FAT1: variants seen among roughly 807,000 people sequenced by gnomAD.
FAT1 encodes protocadherin Fat 1.
FAT1 carries 171 observed loss-of-function variants against 329.8 expected under a neutral mutation model. The observed-to-expected ratio is 0.52, with a 90% CI of 0.46 to 0.59. FAT1 has a LOEUF of 0.59. FAT1 is among the 20% of genes least tolerant of loss of function. The probability of loss-of-function intolerance (pLI) is 0.00; values close to 1 mark genes in which losing one functional copy is unlikely to be tolerated. For missense variants in FAT1, 5,672 were observed against 5,774.4 expected (o/e 0.98, Z 0.57); for synonymous variants, 2,233 against 2,228.6 (o/e 1.00, Z -0.06).
In FAT1 at chr4:186,706,810, C is replaced by T. The variant is rs1203711175; in HGVS notation, c.3018G>A (p.Lys1006=). 1.2e-6 allele frequency: 2 copies of T among 1,614,016 alleles called. No individual in the cohort carries two copies. Among genetic ancestry groups the T allele is most frequent in the Non-Finnish European group, 8.5e-7 (1 of 1,179,898 alleles). ...TAGAAGACAGAGAAACTGGCTTTCCCTTGTCTTTGGCCCTCACAGTGAGAT... is the reference window on the plus strand; with the variant it reads ...TAGAAGACAGAGAAACTGGCTTTCCTTTGTCTTTGGCCCTCACAGTGAGAT... The part of the protein sequence containing the change: ...VYNLTVRAKD[K]GKPVSLSSTC... Residue 1006 remains lysine, a synonymous_variant, in exon 2 of 27, where the codon AAG becomes AAA. Transcript: ENST00000441802.
At chr4:186,689,251 C>T (rs541553205) in intron 2 of FAT1, among the ~76,000 whole-genome samples, 1 of 152,104 alleles carries the variant, frequency 6.6e-6, no homozygotes, top group Admixed American at 6.6e-5. Context: ...GTATCTTGTA[C>T]GTCAAATCAA....
rs774763186 is a variant in FAT1 at position 186,708,626 on chromosome 4, A to C, written c.1202T>G (p.Val401Gly). 6.2e-7 allele frequency: 1 copy of C among 1,613,966 alleles called. No homozygotes were observed. The highest frequency in any genetic ancestry group is 8.5e-7 in the Non-Finnish European group (1 of 1,179,876). ...AGCTTTTCCAGGTGTACTTTTAAAA[A>C]CATACCTCAAATGGGAATAAGCAGG... Reference protein sequence around the residue: ...AIPAYSHLRYVFKSTPGKAKF... With the variant: ...AIPAYSHLRYGFKSTPGKAKF... The change falls in exon 2 of 27, where the codon GTT (valine) becomes GGT (glycine). Residue 401 changes from valine (V) to glycine (G), a missense_variant. Coordinates refer to ENST00000441802, the MANE Select transcript of FAT1 (RefSeq NM_005245.4).
At chr4:186,590,325 G>GT in intron 26 of FAT1, 1 of 1,255,198 alleles carries the variant, frequency 8.0e-7, no homozygotes, top group South Asian at 1.2e-5. Context: ...TTGACCCATT[G>GT]TTTTTAGTGA....
In FAT1 at chr4:186,708,818, T is replaced by C. The variant is rs1744787987; in HGVS notation, c.1010A>G (p.Gln337Arg). 1.9e-6 allele frequency: 3 copies of C among 1,613,972 alleles called. No homozygotes were observed. Among genetic ancestry groups the C allele is most frequent in the East Asian group, 4.5e-5 (2 of 44,864 alleles). ...SHPFGYNLTL[Q>R]AKDKGTPPQF... ...GGGCGGAGTTCCTTTATCTTTAGCC[T>C]GTAGTGTGAGATTGTAGCCGAAAGG... Residue 337 changes from glutamine (Q) to arginine (R), a missense_variant, in exon 2 of 27, where the codon CAG becomes CGG. By Grantham distance (43) the Gln-to-Arg change is conservative. Coordinates refer to ENST00000441802, the MANE Select transcript of FAT1 (RefSeq NM_005245.4).
Position 186,597,037 on chromosome 4 carries a change from T to C in FAT1, c.12503A>G (p.Asn4168Ser), listed in dbSNP as rs757631042. The C allele has an allele frequency of 1.2e-6, 2 of 1,613,888 alleles. No homozygotes were observed. Among genetic ancestry groups the C allele is most frequent in the Non-Finnish European group, 1.7e-6 (2 of 1,179,898 alleles). Residue 4168 changes from asparagine (N) to serine (S), a missense_variant, in exon 25 of 27, where the codon AAC (asparagine) becomes AGC (serine). Transcript: ENST00000441802. ...GTTCCACGGCGTGGACACATACTGG[T>C]TGGGCGCAGCATCCTCGCAGTGACG... ...RGRHCEDAAPNQYVSTPWNIG... is the reference protein window; with the variant it reads ...RGRHCEDAAPSQYVSTPWNIG...
In FAT1 at chr4:186,709,629, C is replaced by T. The variant is rs887968815; in HGVS notation, c.199G>A (p.Ala67Thr). 6.2e-6 allele frequency: 10 copies of T among 1,613,980 alleles called. No individual in the cohort carries two copies. The highest frequency in any genetic ancestry group is 7.6e-6 in the Non-Finnish European group (9 of 1,179,890). ...VKMGVYITHP[A>T]WEVRYKIVSG... ...ACAATTTTGTACCTTACTTCCCACG[C>T]TGGATGTGTAATGTAAACACCCATC... is the stretch of plus-strand genomic sequence containing the variant. Residue 67 changes from alanine (A) to threonine (T), a missense_variant, in exon 2 of 27, where the codon GCG becomes ACG. Ala to Thr is a moderately conservative substitution (Grantham distance 58). Coordinates refer to ENST00000441802, the MANE Select transcript of FAT1 (RefSeq NM_005245.4).
At chr4:186,621,821 C>A (rs1452461678) in intron 9 of FAT1, 46 bp from the exon 10 acceptor site, 2 of 1,197,708 alleles carry the variant, frequency 1.7e-6, no homozygotes, top group Non-Finnish European at 2.3e-6. Flanking sequence ...ACACAAGGGG[C>A]AGTAGTAGTA....
chr4:186,686,245 C>G (rs370031078), intron 2 of FAT1, among the ~76,000 whole-genome samples: 8 of 147,042 alleles, frequency 5.4e-5, no homozygotes, highest in South Asian at 2.2e-4. Flanking sequence ...TTCACCCCCC[C>G]CCGACATTCT....
In FAT1 at chr4:186,596,499, T is replaced by C. The variant is rs1438963694; in HGVS notation, c.13000+41A>G. ...ACAGAATTTGTAACCTCACTGTTTA[T>C]CTCAAGTGACACTTTAGTGAGATGA... On this transcript the variant is annotated intron_variant, in intron 25 of 26. Coordinates refer to ENST00000441802, the MANE Select transcript of FAT1 (RefSeq NM_005245.4). The surrounding 1 kb of genome is among the most constrained non-coding windows in gnomAD (Gnocchi z 4.7). The C allele has an allele frequency of 6.3e-7, 1 of 1,576,408 alleles. No homozygotes were observed. Among genetic ancestry groups the C allele is most frequent in the Non-Finnish European group, 8.6e-7 (1 of 1,163,338 alleles).
At chr4:186,599,839 C>T in intron 22 of FAT1, 59 bp downstream of exon 22, 1 of 1,292,680 alleles carries the variant, frequency 7.7e-7, no homozygotes, top group South Asian at 1.4e-5. Context: ...ACCTGGGGAG[C>T]TTCCCCTTAA....
chr4:186,649,463 A>G (rs1741530814), intron 3 of FAT1, among the ~76,000 whole-genome samples: 1 of 152,236 alleles, frequency 6.6e-6, no homozygotes, highest in Non-Finnish European at 1.5e-5. Flanking sequence ...GATGTAATTA[A>G]GAACCTCAAG....
chr4:186,603,259 T>A lies in FAT1; in HGVS notation c.11267A>T (p.Glu3756Val). 2 of 1,613,928 alleles carry A rather than the reference T, an allele frequency of 1.2e-6. No individual in the cohort carries two copies. The highest frequency in any genetic ancestry group is 1.7e-6 in the Non-Finnish European group (2 of 1,179,856). Residue 3756 changes from glutamate (E) to valine (V), a missense_variant, in exon 19 of 27, where the codon GAA (glutamate) becomes GTA (valine). Transcript: ENST00000441802. ...KFCDEKVSVD[E>V]SVMSTHSTAR... ...TGTGCTGTGTGTTGACATCACACTT[T>A]CATCCACAGACACCTTTTCATCGCA...
intron 3 of FAT1, among the ~76,000 whole-genome samples, chr4:186,661,872 T>C (rs2126613708): frequency 6.6e-6 from 1 of 152,176 alleles, no homozygotes; most frequent in Non-Finnish European, 1.5e-5. Flanking sequence ...GGCTTGCAAC[T>C]GGTGGGAAGA....
intron 11 of FAT1, 90 bp downstream of exon 11, chr4:186,616,915 A>AATT: frequency 8.5e-7 from 1 of 1,176,098 alleles, no homozygotes; most frequent in Admixed American, 2.1e-5. Context: ...AACACATGTG[A>AATT]ATTACACCAC....
At position 186,595,541 on chromosome 4, in the gene FAT1, C is replaced by T. The variant is rs963687678; in HGVS notation, c.13138+148G>A. 72 of 808,750 alleles carry T rather than the reference C, an allele frequency of 8.9e-5. No individual in the cohort carries two copies. The African/African-American group carries it at 1.1e-3, about 12-fold the overall frequency. The allele number at this position is 808,750 out of a possible 1,614,324, so 50.1% of individuals were successfully genotyped here. A position where few individuals can be genotyped will look rare whatever the true frequency, so the allele number is the denominator to read the frequency against. On this transcript the variant is annotated intron_variant, in intron 26 of 26. Transcript: ENST00000441802. ...CTATTTTCCCCAGCAGACATTCATG[C>T]AAGTATGTATGGTATTGTTTAAAAG...
At chr4:186,657,680 C>G (rs893538428) in intron 3 of FAT1, among the ~76,000 whole-genome samples, 1 of 152,058 alleles carries the variant, frequency 6.6e-6, no homozygotes, top group African/African-American at 2.4e-5. Context: ...AAATAAAGAT[C>G]AATACTTGGT....
chr4:186,609,642 C>T (rs1396146582), intron 15 of FAT1, among the ~76,000 whole-genome samples, 159 bp downstream of exon 15: 3 of 152,056 alleles, frequency 2.0e-5, no homozygotes, highest in African/African-American at 7.2e-5. Flanking sequence ...CACAATTATT[C>T]ATAACAAAGT....
At chr4:186,677,490 G>A (rs188772024) in intron 2 of FAT1, among the ~76,000 whole-genome samples, 66 of 142,520 alleles carry the variant, frequency 4.6e-4, no homozygotes, top group Admixed American at 1.1e-3. Context: ...CTAAATTCAG[G>A]GTTTTTTTTT....
At position 186,588,167 on chromosome 4, in the gene FAT1, A is replaced by C. The variant is rs7675885; in HGVS notation, c.*425T>G. 120,869 of 229,132 alleles carry C rather than the reference A, an allele frequency of 0.53. 33,163 individuals carry two copies. Among genetic ancestry groups the C allele is most frequent in the African/African-American group, 0.71 (31,562 of 44,594 alleles). The allele number at this position is 229,132 out of a possible 1,614,324, so 14.2% of individuals were successfully genotyped here. ...ATCAGGGTGCTAGATAATGGCACTGACACCACCAAAATTCAGTTGAAACAA... is the reference window on the plus strand; with the variant it reads ...ATCAGGGTGCTAGATAATGGCACTGCCACCACCAAAATTCAGTTGAAACAA... On this transcript the variant is annotated 3_prime_UTR_variant, in exon 27 of 27. Transcript: ENST00000441802.
Sources: allele counts gnomAD v4.1 joint callset (sites outside exome capture counted in the v4.1 genomes callset), GRCh38; gene constraint gnomAD v4.1.1; non-coding constraint Gnocchi (gnomAD v3.1); transcripts MANE v1.5; gene names NCBI Gene and HGNC (gene_info 2026-07-23, HGNC 2026-07-21).